TAOK1: variants seen among roughly 807,000 people sequenced by gnomAD.
The protein encoded by TAOK1 is TAO kinase 1.
Under a neutral mutation model 138.3 loss-of-function variants are expected in TAOK1, and 21 were observed. The observed-to-expected ratio is 0.15, with a 90% CI of 0.11 to 0.22. The LOEUF is 0.22. Among genes scored for constraint, TAOK1 ranks in the 10% least tolerant of loss-of-function variants. TAOK1 has a pLI of 1.00. For synonymous variants in TAOK1, 361 were observed against 398.4 expected (o/e 0.91, Z 1.12); for missense variants, 651 against 1,227.7 (o/e 0.53, Z 7.02).
chr17:29,431,992 G>A (rs957076476), intron 1 of TAOK1, among the ~76,000 whole-genome samples: 1 of 151,950 alleles, frequency 6.6e-6, no homozygotes, highest in African/African-American at 2.4e-5. Flanking sequence ...CTTTTTAGTA[G>A]AGATGGGTGC....
chr17:29,476,037 C>T (rs924008693), intron 4 of TAOK1, among the ~76,000 whole-genome samples: 6 of 152,130 alleles, frequency 3.9e-5, no homozygotes, highest in Non-Finnish European at 5.9e-5. Flanking sequence ...TTAGTAGTAC[C>T]ATTCAAACAT....
chr17:29,516,703 G>A (rs1037054942), intron 15 of TAOK1, among the ~76,000 whole-genome samples: 3 of 151,620 alleles, frequency 2.0e-5, no homozygotes, highest in Non-Finnish European at 4.4e-5. Flanking sequence ...GTTTCTCCAT[G>A]TTGGTCACGC....
At chr17:29,523,045 A>C (rs1598520957) in intron 17 of TAOK1, among the ~76,000 whole-genome samples, 2 of 149,166 alleles carry the variant, frequency 1.3e-5, no homozygotes, top group African/African-American at 5.0e-5. Context: ...ACAGCACTCC[A>C]GCCCGGGTGA....
At chr17:29,460,709 C>G (rs1184778656) in intron 2 of TAOK1, among the ~76,000 whole-genome samples, 2 of 152,066 alleles carry the variant, frequency 1.3e-5, no homozygotes, top group African/African-American at 4.8e-5. Context: ...GTAAAGTTTA[C>G]TCTTGTATTA....
chr17:29,528,839 C>CAAA (rs58073512), intron 17 of TAOK1, among the ~76,000 whole-genome samples: 87 of 69,378 alleles, frequency 1.3e-3, no homozygotes, highest in African/African-American at 3.1e-3. Flanking sequence ...GACTCCGTCT[C>CAAA]AAAAAAAAAA....
chr17:29,498,296 A>T, intron 11 of TAOK1, 22 bp from the exon 12 acceptor site: 1 of 1,613,236 alleles, frequency 6.2e-7, no homozygotes, highest in South Asian at 1.1e-5. Flanking sequence ...TTTGAACTGA[A>T]CTGAATGTCC....
chr17:29,542,960 A>T lies in TAOK1; in HGVS notation c.2944A>T (p.Met982Leu). The change falls in exon 20 of 20, where the codon ATG (methionine) becomes TTG (leucine). Residue 982 changes from methionine (M) to leucine (L), a missense_variant. By Grantham distance (15) the Met-to-Leu change is conservative. Coordinates refer to ENST00000261716, the MANE Select transcript of TAOK1 (RefSeq NM_020791.4). The part of the protein sequence containing the change: ...TASGGRTEQG[M>L]SRSTSVTSQI... ...TTCTGGGGGACGGACGGAGCAGGGC[A>T]TGAGCAGAAGCACGAGTGTCACTTC... 3.7e-6 allele frequency: 6 copies of T among 1,612,294 alleles called. No homozygotes were observed. The highest frequency in any genetic ancestry group is 5.1e-6 in the Non-Finnish European group (6 of 1,179,142).
At chr17:29,478,615 C>A (rs921603006) in intron 6 of TAOK1, among the ~76,000 whole-genome samples, 1 of 152,028 alleles carries the variant, frequency 6.6e-6, no homozygotes, top group Non-Finnish European at 1.5e-5. Flanking sequence ...GCTATAGAAT[C>A]ATTTAATTTG....
At chr17:29,494,282 T>C (rs1457110561) in intron 10 of TAOK1, among the ~76,000 whole-genome samples, 1 of 151,908 alleles carries the variant, frequency 6.6e-6, no homozygotes, top group African/African-American at 2.4e-5. Context: ...GTAATTCCAA[T>C]GCTTTGGGAG....
chr17:29,391,938 C>T (rs2153019225), intron 1 of TAOK1, among the ~76,000 whole-genome samples: 1 of 152,310 alleles, frequency 6.6e-6, no homozygotes, highest in South Asian at 2.1e-4. Context: ...AATTATTGGC[C>T]TGGCGCGGTG....
intron 1 of TAOK1, among the ~76,000 whole-genome samples, chr17:29,418,930 C>CTTTTTTTTTT (rs35692060): frequency 1.9e-5 from 2 of 105,500 alleles, no homozygotes; most frequent in Non-Finnish European, 1.8e-5. Flanking sequence ...GGGTGCTTTG[C>CTTTTTTTTTT]TTTTTTTTTT....
In TAOK1 at chr17:29,408,362, A is replaced by G. The variant is rs557981518; in HGVS notation, c.-95+17338A>G. The stretch of plus-strand genomic sequence containing the variant: ...CACCTCAGCCTCCCAAGTAGATGGG[A>G]CTACAGGAGTGTGCCACCACACCTG... On this transcript the variant is annotated intron_variant, in intron 1 of 19. Coordinates refer to ENST00000261716, the MANE Select transcript of TAOK1 (RefSeq NM_020791.4). Among the ~76,000 whole-genome samples, 4 of 151,462 alleles carry G rather than the reference A, an allele frequency of 2.6e-5. No homozygotes were observed. The South Asian group carries it at 6.2e-4, about 24-fold the overall frequency.
chr17:29,439,237 C>G (rs1164864381), intron 1 of TAOK1, among the ~76,000 whole-genome samples: 1 of 138,184 alleles, frequency 7.2e-6, no homozygotes, highest in Non-Finnish European at 1.5e-5. Flanking sequence ...TCTCACTCCT[C>G]TCTTGCCCAG....
chr17:29,476,665 A>G (rs2030948347), intron 4 of TAOK1, among the ~76,000 whole-genome samples: 1 of 152,102 alleles, frequency 6.6e-6, no homozygotes, highest in Admixed American at 6.5e-5. Flanking sequence ...CACCCCCAGG[A>G]TACCAAATCC....
At chr17:29,409,333 A>ATATTT (rs1348702470) in intron 1 of TAOK1, among the ~76,000 whole-genome samples, 19 of 59,036 alleles carry the variant, frequency 3.2e-4, no homozygotes, top group South Asian at 6.0e-4. Flanking sequence ...ATATATATAT[A>ATATTT]TTTTTTTTTT....
In TAOK1 at chr17:29,429,064, G is replaced by A. The variant is rs556887961; in HGVS notation, c.-94-22391G>A. ...TTTTGTTTGAGGGTGCTGCAGGCAG[G>A]TGCTATAGTTTGTTATCTCTGTATA... On this transcript the variant is annotated intron_variant, in intron 1 of 19. Transcript: ENST00000261716. Among the ~76,000 whole-genome samples the A allele has an allele frequency of 1.1e-3, 166 of 152,164 alleles. 1 individual carries two copies. Among genetic ancestry groups the A allele is most frequent in the Non-Finnish European group, 2.0e-3 (133 of 67,998 alleles).
At chr17:29,488,987 A>G (rs189831881) in intron 8 of TAOK1, among the ~76,000 whole-genome samples, 33 of 152,338 alleles carry the variant, frequency 2.2e-4, no homozygotes, top group Middle Eastern at 3.4e-3. Flanking sequence ...CTCAAAGCTC[A>G]TTATTGCTAC....
At chr17:29,528,839 CAAAAAAAAAAAAAAAAAAA>C (rs58073512) in intron 17 of TAOK1, among the ~76,000 whole-genome samples, 1 of 69,404 alleles carries the variant, frequency 1.4e-5, no homozygotes, top group Non-Finnish European at 2.5e-5. Flanking sequence ...GACTCCGTCT[CAAAAAAAAAAAAAAAAAAA>C]AAAAAAGAAA....
intron 3 of TAOK1, among the ~76,000 whole-genome samples, chr17:29,471,268 T>C (rs1202159343): frequency 7.5e-6 from 1 of 133,764 alleles, no homozygotes; most frequent in African/African-American, 2.9e-5. Context: ...TTTTAAAATA[T>C]TTTCTTTCTT....
Sources: gnomAD v4.1 joint callset for allele counts (sites outside exome capture counted in the v4.1 genomes callset) on GRCh38, gnomAD v4.1.1 for gene constraint, MANE v1.5 for transcripts, NCBI Gene and HGNC (gene_info 2026-07-23, HGNC 2026-07-21) for gene names.